Variants in DSC3 observed in about 807,000 individuals in gnomAD.
The protein encoded by DSC3 is desmocollin-3.
In DSC3, 97 loss-of-function variants were observed where a neutral mutation model predicts 89.5. The observed-to-expected ratio is 1.08, with a 90% CI of 0.92 to 1.28. The LOEUF (loss-of-function observed/expected upper bound fraction) is 1.28. DSC3 is among the 50% of genes most tolerant of loss of function. The probability of loss-of-function intolerance (pLI) is 0.00; values close to 1 mark genes in which losing one functional copy is unlikely to be tolerated. For missense variants in DSC3, 1,199 were observed against 1,085.3 expected (o/e 1.10, Z -1.47); for synonymous variants, 436 against 384.1 (o/e 1.14, Z -1.58).
intron 5 of DSC3, among the ~76,000 whole-genome samples, chr18:31,025,241 C>A (rs1374924170): frequency 2.0e-5 from 3 of 152,128 alleles, no homozygotes; most frequent in Non-Finnish European, 2.9e-5. Context: ...TTGCTATTGA[C>A]TATAAGCTCA....
At chr18:31,023,498 T>C (rs1313892175) in intron 6 of DSC3, among the ~76,000 whole-genome samples, 2 of 152,138 alleles carry the variant, frequency 1.3e-5, no homozygotes, top group East Asian at 3.8e-4. Context: ...TCCAAACCAA[T>C]AATTTTTTTA....
In DSC3 at chr18:30,993,464, C is replaced by A. The variant is rs1984343159; in HGVS notation, c.*711G>T. 1 of 152,182 alleles carries A rather than the reference C, an allele frequency of 6.6e-6. No individual in the cohort carries two copies. Among genetic ancestry groups the A allele is most frequent in the Non-Finnish European group, 1.5e-5 (1 of 68,042 alleles). 9.4% of individuals were successfully genotyped at this position (152,182 alleles called of 1,614,324 possible). A position where few individuals can be genotyped will look rare whatever the true frequency, so the allele number is the denominator to read the frequency against. ...CAGTTATAATGCAGCATTTAAGAGC[C>A]CAGGCCTAGGAAGCTCTCTCTTTTT... is the stretch of plus-strand genomic sequence containing the variant. On this transcript the variant is annotated 3_prime_UTR_variant, in exon 16 of 16. Transcript: ENST00000360428.
chr18:31,013,034 T>A (rs1435791483), intron 9 of DSC3, among the ~76,000 whole-genome samples: 1 of 152,108 alleles, frequency 6.6e-6, no homozygotes, highest in East Asian at 1.9e-4. Context: ...AAGAAAAAAA[T>A]CCACAAAGGA....
At chr18:31,003,054 A>G (rs555060676) in intron 13 of DSC3, among the ~76,000 whole-genome samples, 24 of 150,212 alleles carry the variant, frequency 1.6e-4, no homozygotes, top group Non-Finnish European at 2.4e-4. Context: ...ATAATCACAA[A>G]TTAGGGCCAT....
At chr18:30,996,607 A>T (rs754083024) in intron 15 of DSC3, among the ~76,000 whole-genome samples, 184 bp downstream of exon 15, 1 of 152,192 alleles carries the variant, frequency 6.6e-6, no homozygotes, top group Admixed American at 6.5e-5. Context: ...ATGAAATATG[A>T]AAAATGAAAT....
intron 13 of DSC3, among the ~76,000 whole-genome samples, chr18:31,002,896 A>G (rs904599667): frequency 1.3e-5 from 2 of 152,162 alleles, no homozygotes; most frequent in African/African-American, 4.8e-5. Flanking sequence ...TGACATATAT[A>G]CTATCTAATC....
At chr18:31,032,585 TGTGTGCGTGTGC>T (rs771649417) in intron 1 of DSC3, among the ~76,000 whole-genome samples, 7,751 of 117,190 alleles carry the variant, frequency 0.066, 217 homozygotes, top group South Asian at 0.13. Context: ...TGTGTGTGTG[TGTGTGCGTGTGC>T]GTGTGCGTGT....
At position 31,016,285 on chromosome 18, in the gene DSC3, C is replaced by T. The variant is rs536050303; in HGVS notation, c.1263+1786G>A. Among the ~76,000 whole-genome samples, 3 of 152,300 alleles carry T rather than the reference C, an allele frequency of 2.0e-5. No homozygotes were observed. In the South Asian group the frequency reaches 6.2e-4, roughly 32 times the overall value. On this transcript the variant is annotated intron_variant, in intron 9 of 15. Coordinates refer to ENST00000360428, the MANE Select transcript of DSC3 (RefSeq NM_001941.5). ...CTGTGAAGCCACCATTTTCCTTTGT[C>T]TGTTGCTCTAATAAGCTTGCTTTGC...
rs573056252 is a variant in DSC3 at position 31,035,795 on chromosome 18, T to C, written c.70-3519A>G. On this transcript the variant is annotated intron_variant, in intron 1 of 15. Coordinates refer to ENST00000360428, the MANE Select transcript of DSC3 (RefSeq NM_001941.5). ...GTAGCTAAAGTCTTATGCTCTATTA[T>C]ATTTCCAACTCTTCTCCAGGGAATA... Among the ~76,000 whole-genome samples the C allele has an allele frequency of 1.2e-4, 19 of 152,268 alleles. No individual in the cohort carries two copies. The South Asian group carries it at 3.9e-3, about 32-fold the overall frequency.
rs1181548225 is a variant in DSC3 at position 31,014,784 on chromosome 18, T to C, written c.1263+3287A>G. On this transcript the variant is annotated intron_variant, in intron 9 of 15. Transcript: ENST00000360428. ...AATACAAACTGCCTTGTGGGCTTAA[T>C]GAGGTATGGCATGCAGTAATGGAAA... 2.6e-5 allele frequency among the ~76,000 whole-genome samples: 4 copies of C among 152,098 alleles called. No individual in the cohort carries two copies. The East Asian group carries it at 7.7e-4, about 29-fold the overall frequency.
chr18:31,022,451 A>G lies in DSC3; in HGVS notation c.827T>C (p.Met276Thr), dbSNP rs143596828. 6.8e-6 allele frequency: 11 copies of G among 1,613,966 alleles called. No homozygotes were observed. Among genetic ancestry groups the G allele is most frequent in the Non-Finnish European group, 9.3e-6 (11 of 1,179,982 alleles). ...CATDRDEPDT[M>T]HTRLKYSILQ... Reference sequence around the variant, plus strand: ...AATGCTGTATTTCAGGCGCGTATGCATTGTGTCCGGTTCATCTCTGTCTGT... The same window carrying G: ...AATGCTGTATTTCAGGCGCGTATGCGTTGTGTCCGGTTCATCTCTGTCTGT... The change falls in exon 7 of 16, where the codon ATG becomes ACG. Residue 276 changes from methionine (M) to threonine (T), a missense_variant. Physicochemically the swap from Met to Thr is moderately conservative, Grantham distance 81. Transcript: ENST00000360428.
At chr18:31,023,599 A>G (rs1985495970) in intron 6 of DSC3, among the ~76,000 whole-genome samples, 1 of 152,188 alleles carries the variant, frequency 6.6e-6, no homozygotes, top group Non-Finnish European at 1.5e-5. Context: ...AAAAGCAGAT[A>G]TAATATTGCA....
intron 9 of DSC3, among the ~76,000 whole-genome samples, chr18:31,015,977 A>G (rs1183394670): frequency 1.3e-5 from 2 of 152,166 alleles, no homozygotes; most frequent in Admixed American, 6.5e-5. Flanking sequence ...AGAGACCTCT[A>G]GTTGACCTCA....
At chr18:30,995,332 A>G (rs929452327) in intron 15 of DSC3, among the ~76,000 whole-genome samples, 5 of 152,232 alleles carry the variant, frequency 3.3e-5, no homozygotes, top group African/African-American at 1.2e-4. Flanking sequence ...CTGATATTAC[A>G]TAAATACTGA....
At position 31,008,148 on chromosome 18, in the gene DSC3, A is replaced by AT. The variant is rs1317680492; in HGVS notation, c.1530dup (p.Leu511IlefsTer3). ...GTGATCCAACCTTTAGGATCATGCAATTTTTTGTACCTGTTAATAAAAAAA... is the reference window on the plus strand; with the variant it reads ...GTGATCCAACCTTTAGGATCATGCAATTTTTTTGTACCTGTTAATAAAAAAA... On this transcript the variant is annotated frameshift_variant, in exon 11 of 16. Transcript: ENST00000360428. LOFTEE classifies it high-confidence loss of function. 5.0e-6 allele frequency: 8 copies of AT among 1,611,228 alleles called. No individual in the cohort carries two copies. Among genetic ancestry groups the AT allele is most frequent in the Non-Finnish European group, 6.8e-6 (8 of 1,178,386 alleles).
intron 8 of DSC3, 34 bp from the exon 9 acceptor site, chr18:31,018,290 T>C: frequency 6.4e-7 from 1 of 1,567,744 alleles, no homozygotes. Context: ...AAATTGAAAT[T>C]TTATTTTATA....
chr18:31,018,403 A>G (rs1985306439), intron 8 of DSC3, 147 bp from the exon 9 acceptor site: 1 of 756,304 alleles, frequency 1.3e-6, no homozygotes, highest in Non-Finnish European at 2.1e-6. Context: ...TTGTTTCATT[A>G]AGGGTTATCT....
chr18:31,028,834 G>T (rs1985685072), intron 4 of DSC3, among the ~76,000 whole-genome samples: 1 of 152,088 alleles, frequency 6.6e-6, no homozygotes, highest in African/African-American at 2.4e-5. Context: ...CTAGTAGAAT[G>T]CACATAGTCC....
chr18:31,032,550 GTGTA>G (rs201746783), intron 1 of DSC3, among the ~76,000 whole-genome samples: 44 of 88,118 alleles, frequency 5.0e-4, no homozygotes, highest in African/African-American at 5.7e-4. Context: ...CTGCTTCTGT[GTGTA>G]TGTGTGTGTG....
Sources: allele counts gnomAD v4.1 joint callset (sites outside exome capture counted in the v4.1 genomes callset), GRCh38; gene constraint gnomAD v4.1.1; transcripts MANE v1.5; gene names NCBI Gene and HGNC (gene_info 2026-07-23, HGNC 2026-07-21).